PTPRD: variants seen among roughly 807,000 people sequenced by gnomAD.
The protein encoded by PTPRD is protein tyrosine phosphatase receptor type D, also known as receptor-type tyrosine-protein phosphatase delta.
PTPRD carries 34 observed loss-of-function variants against 214.5 expected under a neutral mutation model. The ratio of observed to expected loss-of-function variants is 0.16; its 90% confidence interval spans 0.12 to 0.21. The LOEUF (loss-of-function observed/expected upper bound fraction) is 0.21. PTPRD is among the 10% of genes least tolerant of loss of function. The pLI, the probability that PTPRD is intolerant of heterozygous loss-of-function variation, is 1.00. For synonymous variants in PTPRD, 1,128 were observed against 845.7 expected, an observed-to-expected ratio of 1.33 and a Z score of -5.79; for missense variants, 2,545 against 2,398.7, an observed-to-expected ratio of 1.06 and a Z score of -1.27.
chr9:10,606,468 C>G (rs62535923), intron 2 of PTPRD, among the ~76,000 whole-genome samples: 8 of 151,330 alleles, frequency 5.3e-5, no homozygotes, highest in African/African-American at 1.9e-4. Flanking sequence ...ACAGGTTTTT[C>G]GTAAGTGGCC....
intron 8 of PTPRD, among the ~76,000 whole-genome samples, chr9:9,516,774 G>GATCTGCCCTCCTCAGCCTCCCA: frequency 6.8e-6 from 1 of 146,422 alleles, no homozygotes; most frequent in East Asian, 2.0e-4. Flanking sequence ...TTGACCTCAT[G>GATCTGCCCTCCTCAGCCTCCCA]ATCTGCCCTC....
At chr9:9,459,273 T>A (rs1314148943) in intron 8 of PTPRD, among the ~76,000 whole-genome samples, 1 of 151,126 alleles carries the variant, frequency 6.6e-6, no homozygotes, top group Admixed American at 6.6e-5. Flanking sequence ...GCTGAAAGCA[T>A]TCCCACTAAG....
Position 9,619,009 on chromosome 9 carries a change from C to T in PTPRD, c.-286-44228G>A, listed in dbSNP as rs183074760. On this transcript the variant is annotated intron_variant, in intron 7 of 45. Transcript: ENST00000381196. Reference sequence around the variant, plus strand: ...CAAAGCAAGAAGAATGTTTCTGAAACGAGATGCCACAGAGAAAACAAGAAA... The same window carrying T: ...CAAAGCAAGAAGAATGTTTCTGAAATGAGATGCCACAGAGAAAACAAGAAA... Among the ~76,000 whole-genome samples the T allele has an allele frequency of 9.9e-5, 15 of 152,026 alleles. 1 individual carries two copies. The highest frequency in any genetic ancestry group is 2.7e-4 in the African/African-American group (11 of 41,474).
intron 8 of PTPRD, among the ~76,000 whole-genome samples, chr9:9,521,524 A>C (rs897302538): frequency 2.0e-5 from 3 of 152,184 alleles, no homozygotes; most frequent in Non-Finnish European, 4.4e-5. Context: ...CCAAGAATGC[A>C]TTGGGAAGTA....
chr9:10,316,146 T>A (rs576485039), intron 3 of PTPRD, among the ~76,000 whole-genome samples: 133 of 141,100 alleles, frequency 9.4e-4, no homozygotes, highest in African/African-American at 3.4e-3. Flanking sequence ...TACACATACA[T>A]ATGTATATAT....
chr9:10,508,795 G>A (rs2046976413), intron 2 of PTPRD, among the ~76,000 whole-genome samples: 1 of 152,042 alleles, frequency 6.6e-6, no homozygotes. Flanking sequence ...GGCCTGTCGT[G>A]GGGTGGGGGT....
chr9:9,648,937 G>C (rs938269409), intron 7 of PTPRD, among the ~76,000 whole-genome samples: 6 of 152,116 alleles, frequency 3.9e-5, no homozygotes, highest in African/African-American at 1.4e-4. Context: ...GTGAAGGCCA[G>C]CAGCAGAAAA....
chr9:9,349,590 G>GT (rs34166604), intron 9 of PTPRD, among the ~76,000 whole-genome samples: 39,883 of 145,666 alleles, frequency 0.27, 7,568 homozygotes, highest in African/African-American at 0.54. Context: ...ATTTCTCTAA[G>GT]TTTTTTTTTT....
At chr9:10,158,805 C>G (rs948605671) in intron 3 of PTPRD, among the ~76,000 whole-genome samples, 5 of 152,142 alleles carry the variant, frequency 3.3e-5, no homozygotes, top group African/African-American at 1.2e-4. Context: ...TACCTCAGGT[C>G]CACTGGCAGG....
intron 3 of PTPRD, among the ~76,000 whole-genome samples, chr9:10,318,235 A>C (rs1055127190): frequency 6.6e-6 from 1 of 152,034 alleles, no homozygotes; most frequent in Non-Finnish European, 1.5e-5. Context: ...TGGTACAATA[A>C]TAAAATAGAT....
intron 2 of PTPRD, among the ~76,000 whole-genome samples, chr9:10,400,735 T>C (rs530632070): frequency 6.6e-6 from 1 of 151,616 alleles, no homozygotes; most frequent in East Asian, 2.0e-4. Flanking sequence ...CAAAAATGTT[T>C]TTCCTATTTC....
rs1395761698 is a variant in PTPRD at position 8,448,931 on chromosome 9, TA to T, written c.3988+793del. 3.9e-5 allele frequency among the ~76,000 whole-genome samples: 6 copies of T among 152,338 alleles called. No homozygotes were observed. The East Asian group carries it at 1.2e-3, about 29-fold the overall frequency. ...TAGCTTTTCACTTTGTTCATTATCA[TA>T]ACATATTAAGATAGGGTCACTCGGT... On this transcript the variant is annotated intron_variant, in intron 34 of 45. Transcript: ENST00000381196.
intron 5 of PTPRD, among the ~76,000 whole-genome samples, chr9:9,812,653 C>A (rs1386603751): frequency 2.0e-5 from 3 of 151,864 alleles, no homozygotes; most frequent in Middle Eastern, 6.8e-3. Flanking sequence ...TATTGGAGCA[C>A]CTAAATATGT....
intron 14 of PTPRD, among the ~76,000 whole-genome samples, chr9:8,574,074 C>T (rs138625611): frequency 7.9e-5 from 12 of 152,012 alleles, no homozygotes; most frequent in Non-Finnish European, 8.8e-5. Flanking sequence ...TCTATTATTG[C>T]TCCATCTCAA....
chr9:8,578,608 G>A (rs897864279), intron 14 of PTPRD, among the ~76,000 whole-genome samples: 1 of 152,162 alleles, frequency 6.6e-6, no homozygotes, highest in African/African-American at 2.4e-5. Flanking sequence ...AGATGGGGCT[G>A]AGAAGTGGAA....
chr9:8,534,467 C>G (rs1158637643), intron 14 of PTPRD, among the ~76,000 whole-genome samples: 1 of 151,806 alleles, frequency 6.6e-6, no homozygotes, highest in African/African-American at 2.4e-5. Context: ...CACTGGATAT[C>G]TTACGGTTTG....
At chr9:8,601,881 C>T (rs12685150) in intron 14 of PTPRD, among the ~76,000 whole-genome samples, 1 of 151,972 alleles carries the variant, frequency 6.6e-6, no homozygotes, top group Non-Finnish European at 1.5e-5. Flanking sequence ...AGTCATTGTG[C>T]CAGATTGGGG....
At position 9,422,471 on chromosome 9, in the gene PTPRD, T is replaced by G. The variant is rs189895270; in HGVS notation, c.-236-24989A>C. Among the ~76,000 whole-genome samples, 18 of 152,272 alleles carry G rather than the reference T, an allele frequency of 1.2e-4. No individual in the cohort carries two copies. The East Asian group carries it at 3.5e-3, about 29-fold the overall frequency. On this transcript the variant is annotated intron_variant, in intron 8 of 45. Coordinates refer to ENST00000381196, the MANE Select transcript of PTPRD (RefSeq NM_002839.4). Reference sequence around the variant, plus strand: ...ACACACAGACAAAGAAGCATTTTTTTAAAGCACTGGAGAGCTTTGAGCTTG... The same window carrying G: ...ACACACAGACAAAGAAGCATTTTTTGAAAGCACTGGAGAGCTTTGAGCTTG...
At chr9:9,548,861 A>G (rs749547095) in intron 8 of PTPRD, among the ~76,000 whole-genome samples, 1 of 152,154 alleles carries the variant, frequency 6.6e-6, no homozygotes, top group Non-Finnish European at 1.5e-5. Flanking sequence ...TCAAAAATAA[A>G]TGAAGCAAAG....
Sources: allele counts gnomAD v4.1 joint callset (sites outside exome capture counted in the v4.1 genomes callset), GRCh38; gene constraint gnomAD v4.1.1; transcripts MANE v1.5; gene names NCBI Gene and HGNC (gene_info 2026-07-23, HGNC 2026-07-21).